INSYN2A: variants seen among roughly 807,000 people sequenced by gnomAD.
INSYN2A encodes the protein family with sequence similarity 196 member A.
In INSYN2A, 17 loss-of-function variants were observed where a neutral mutation model predicts 39.4. The ratio of observed to expected loss-of-function variants is 0.43; its 90% CI spans 0.30 to 0.65. INSYN2A has a LOEUF of 0.65. INSYN2A is among the 30% of genes least tolerant of loss of function. The pLI is 0.14. For missense variants in INSYN2A, 595 were observed against 631.2 expected (o/e 0.94, Z 0.61); for synonymous variants, 255 against 265.7 (o/e 0.96, Z 0.39).
intron 4 of INSYN2A, among the ~76,000 whole-genome samples, chr10:127,154,303 C>G (rs954735531): frequency 6.6e-6 from 1 of 152,244 alleles, no homozygotes; most frequent in Admixed American, 6.5e-5. Flanking sequence ...CTCTACCCCA[C>G]CTGTCCTGCT....
At chr10:127,161,563 C>T (rs2053596658) in intron 4 of INSYN2A, among the ~76,000 whole-genome samples, 1 of 152,198 alleles carries the variant, frequency 6.6e-6, no homozygotes, top group African/African-American at 2.4e-5. Flanking sequence ...ACTGGCAAGG[C>T]TGTTTGGAGT....
intron 4 of INSYN2A, among the ~76,000 whole-genome samples, chr10:127,168,594 G>C (rs540984886): frequency 6.6e-6 from 1 of 152,294 alleles, no homozygotes; most frequent in Non-Finnish European, 1.5e-5. Context: ...CCTCAAAATT[G>C]GGCCATTCTC....
At chr10:127,180,156 T>C (rs936692245) in intron 2 of INSYN2A, among the ~76,000 whole-genome samples, 1 of 152,234 alleles carries the variant, frequency 6.6e-6, no homozygotes, top group African/African-American at 2.4e-5. Flanking sequence ...CTGAAACTCA[T>C]CTGAGCAATG....
intron 4 of INSYN2A, among the ~76,000 whole-genome samples, chr10:127,172,646 G>C (rs566802382): frequency 2.8e-4 from 42 of 152,346 alleles, no homozygotes; most frequent in Admixed American, 1.6e-3. Flanking sequence ...TCTGAGTCCA[G>C]AGGGCTCTGA....
Position 127,175,823 on chromosome 10 carries a change from G to A in INSYN2A, c.573C>T (p.Asn191=). 6.2e-7 allele frequency: 1 copy of A among 1,614,136 alleles called. No individual in the cohort carries two copies. Among genetic ancestry groups the A allele is most frequent in the South Asian group, 1.1e-5 (1 of 91,080 alleles). The stretch of plus-strand genomic sequence containing the variant: ...CCGGGCTTTTACAGGGCTCTGTGCA[G>A]TTGACCCCCAAAGGCTGGTCCACTG... The part of the protein sequence containing the change: ...MNTVDQPLGV[N]CTEPCKSPEP... The change falls in exon 4 of 6, where the codon AAC becomes AAT. Residue 191 remains asparagine, a synonymous_variant. Coordinates refer to ENST00000522781, the MANE Select transcript of INSYN2A (RefSeq NM_001039762.3). This position sits in a 1 kb window ranked among gnomAD's most constrained non-coding sequence, Gnocchi z 6.3.
At chr10:127,192,090 T>C (rs1192373428) in intron 2 of INSYN2A, among the ~76,000 whole-genome samples, 1 of 152,226 alleles carries the variant, frequency 6.6e-6, no homozygotes. Flanking sequence ...ACCATTCTAT[T>C]GGATAGAATA....
rs1248792880 is a variant in INSYN2A, at chr10:127,196,250, C to T, written c.-648G>A. The T allele has an allele frequency of 2.0e-5, 3 of 148,550 alleles. No individual in the cohort carries two copies. Among genetic ancestry groups the T allele is most frequent in the African/African-American group, 7.3e-5 (3 of 40,870 alleles). The allele number at this position is 148,550 out of a possible 1,614,324, so 9.2% of individuals were successfully genotyped here. A position where few individuals can be genotyped will look rare whatever the true frequency, so the allele number is the denominator to read the frequency against. On this transcript the variant is annotated 5_prime_UTR_variant, in exon 1 of 6. Coordinates refer to ENST00000522781, the MANE Select transcript of INSYN2A (RefSeq NM_001039762.3). ...CCCCCGCGCCGCAGCTCGCGTCGCT[C>T]GCGTCCCTCCGGCCCCGCTTAGCGA...
rs59990966 is a variant in INSYN2A at position 127,147,419 on chromosome 10, C to G, written c.1256+6433G>C. On this transcript the variant is annotated intron_variant, in intron 5 of 5. Transcript: ENST00000522781. ...ACGATTATCTTGTTTTCTTTGGAGTCTGCTTTGCCAGGTCGGGCACCCTGG... is the reference window on the plus strand; with the variant it reads ...ACGATTATCTTGTTTTCTTTGGAGTGTGCTTTGCCAGGTCGGGCACCCTGG... 1.6e-3 allele frequency among the ~76,000 whole-genome samples: 238 copies of G among 152,290 alleles called. 2 individuals are homozygous for G. Among genetic ancestry groups the G allele is most frequent in the African/African-American group, 5.5e-3 (227 of 41,570 alleles).
Position 127,175,180 on chromosome 10 carries a change from T to G in INSYN2A, c.1184+32A>C. On this transcript the variant is annotated intron_variant, in intron 4 of 5. Transcript: ENST00000522781. This position sits in a 1 kb window ranked among gnomAD's most constrained non-coding sequence, Gnocchi z 6.3. The stretch of plus-strand genomic sequence containing the variant: ...TGGACTCTGTGGTGATCAGCCTGCA[T>G]AGCTTCCTAAGACATGGGTGAACAT... 2.6e-6 allele frequency: 4 copies of G among 1,562,642 alleles called. No individual in the cohort carries two copies. The highest frequency in any genetic ancestry group is 1.2e-5 in the South Asian group (1 of 83,686).
chr10:127,138,344 A>G (rs1433077719), intron 5 of INSYN2A, among the ~76,000 whole-genome samples: 1 of 152,206 alleles, frequency 6.6e-6, no homozygotes, highest in Non-Finnish European at 1.5e-5. Context: ...GTCTGTTCAC[A>G]TGGGCCTCAT....
chr10:127,162,268 A>G (rs746446119), intron 4 of INSYN2A, among the ~76,000 whole-genome samples: 1 of 152,202 alleles, frequency 6.6e-6, no homozygotes, highest in Non-Finnish European at 1.5e-5. Flanking sequence ...TGCATTTTCT[A>G]TAGTGTTTCT....
intron 5 of INSYN2A, among the ~76,000 whole-genome samples, chr10:127,145,373 G>T (rs1472106479): frequency 6.6e-6 from 1 of 152,186 alleles, no homozygotes; most frequent in Non-Finnish European, 1.5e-5. Flanking sequence ...CCCCTAGGAA[G>T]CCAGGAAGAC....
intron 5 of INSYN2A, among the ~76,000 whole-genome samples, chr10:127,152,917 C>T (rs549736411): frequency 2.6e-5 from 4 of 152,248 alleles, no homozygotes; most frequent in African/African-American, 4.8e-5. Flanking sequence ...GAGGCATGGA[C>T]GGCCAGGTCT....
chr10:127,145,569 C>T (rs532330299), intron 5 of INSYN2A, among the ~76,000 whole-genome samples: 2 of 152,314 alleles, frequency 1.3e-5, no homozygotes, highest in East Asian at 1.9e-4. Flanking sequence ...GTGAGTCCCT[C>T]GTGGCCAACC....
chr10:127,190,676 C>A lies in INSYN2A; in HGVS notation c.-269+1929G>T, dbSNP rs1275515103. ...TAGAAATCCTATCTTCCCCCCCCCC[C>A]CCCCCCCGTTCCTGCTGGCTCCCAG... On this transcript the variant is annotated intron_variant, in intron 2 of 5. Coordinates refer to ENST00000522781, the MANE Select transcript of INSYN2A (RefSeq NM_001039762.3). Among the ~76,000 whole-genome samples the A allele has an allele frequency of 1.9e-4, 9 of 47,548 alleles. 3 individuals are homozygous for A. The highest frequency in any genetic ancestry group is 2.0e-3 in the East Asian group (2 of 996). The allele number at this position is 47,548 out of a possible 152,430, so 31.2% of individuals were successfully genotyped here.
chr10:127,140,075 A>G (rs1412089523), intron 5 of INSYN2A, among the ~76,000 whole-genome samples: 3 of 152,176 alleles, frequency 2.0e-5, no homozygotes, highest in Non-Finnish European at 4.4e-5. Context: ...TGTTCTCCAG[A>G]TCGTAACCGT....
intron 5 of INSYN2A, among the ~76,000 whole-genome samples, chr10:127,144,451 T>C (rs917608133): frequency 2.0e-5 from 3 of 152,186 alleles, no homozygotes; most frequent in Admixed American, 1.3e-4. Context: ...GTTTAATTCA[T>C]CTTTTGTCTG....
intron 5 of INSYN2A, among the ~76,000 whole-genome samples, chr10:127,145,536 C>T (rs1400887331): frequency 6.6e-6 from 1 of 151,932 alleles, no homozygotes; most frequent in East Asian, 1.9e-4. Flanking sequence ...GGGCTGTTGT[C>T]CTCCTGTTCT....
intron 5 of INSYN2A, among the ~76,000 whole-genome samples, chr10:127,141,098 C>T (rs1186079070): frequency 6.6e-6 from 1 of 152,208 alleles, no homozygotes; most frequent in Non-Finnish European, 1.5e-5. Context: ...CCTTTCTGGG[C>T]TCATGGCATG....
Sources: gnomAD v4.1 joint callset for allele counts (sites outside exome capture counted in the v4.1 genomes callset) on GRCh38, gnomAD v4.1.1 for gene constraint, Gnocchi (gnomAD v3.1) non-coding constraint, MANE v1.5 for transcripts, NCBI Gene and HGNC (gene_info 2026-07-23, HGNC 2026-07-21) for gene names.